The following NALF1 variants were observed in gnomAD, a reference collection of about 807,000 sequenced individuals.
The protein encoded by NALF1 is family with sequence similarity 155 member A.
NALF1 carries 3 observed loss-of-function variants against 48.4 expected under a neutral mutation model. That is an observed-to-expected ratio of 0.06 (90% CI 0.03 to 0.16). The LOEUF is 0.16. Ranked by LOEUF, NALF1 falls within the 10% of genes least tolerant of loss-of-function variation. The pLI is 1.00. For synonymous variants in NALF1, 262 were observed against 245.7 expected, an observed-to-expected ratio of 1.07 and a Z score of -0.62; for missense variants, 526 against 571.5, an observed-to-expected ratio of 0.92 and a Z score of 0.81.
chr13:107,725,702 A>G (rs1876129600), intron 1 of NALF1, among the ~76,000 whole-genome samples: 1 of 152,096 alleles, frequency 6.6e-6, no homozygotes, highest in Non-Finnish European at 1.5e-5. Context: ...AAAAAAAAAA[A>G]AGTGAACTGA....
rs959901783 is a variant in NALF1, at chr13:107,419,518, G to T, written c.916-208763C>A. On this transcript the variant is annotated intron_variant, in intron 1 of 2. Transcript: ENST00000375915. ...AGGCGGTAGATTTCATATCACTGAA[G>T]AGGTGAAAGTCTAGATCAGAAAGCC... 2.1e-4 allele frequency among the ~76,000 whole-genome samples: 32 copies of T among 152,176 alleles called. 1 individual carries two copies. The highest frequency in any genetic ancestry group is 4.4e-5 in the Non-Finnish European group (3 of 68,032).
rs957458151 is a variant in NALF1, at chr13:107,166,753, T to C, written c.*3744A>G. 1.1e-4 allele frequency: 17 copies of C among 152,042 alleles called. No homozygotes were observed. Among genetic ancestry groups the C allele is most frequent in the Admixed American group, 6.6e-4 (10 of 15,248 alleles). 9.4% of individuals were successfully genotyped at this position (152,042 alleles called of 1,614,324 possible). On this transcript the variant is annotated 3_prime_UTR_variant, in exon 3 of 3. Coordinates refer to ENST00000375915, the MANE Select transcript of NALF1 (RefSeq NM_001080396.3). ...CCTCCTTTCCCCCTCATTCCCCGACTCTATCCCTCCCTTCTTCCCTCCCTC... is the reference window on the plus strand; with the variant it reads ...CCTCCTTTCCCCCTCATTCCCCGACCCTATCCCTCCCTTCTTCCCTCCCTC...
At position 107,347,535 on chromosome 13, in the gene NALF1, T is replaced by A. The variant is rs77226300; in HGVS notation, c.916-136780A>T. Among the ~76,000 whole-genome samples, 1,426 of 152,302 alleles carry A rather than the reference T, an allele frequency of 9.4e-3. 13 individuals are homozygous for A. Among genetic ancestry groups the A allele is most frequent in the South Asian group, 0.033 (158 of 4,824 alleles). Reference sequence around the variant, plus strand: ...CTCTCTTTATTCAACTACAGTACAGTCTATTTTAAAATTCCATCATCTTCT... The same window carrying A: ...CTCTCTTTATTCAACTACAGTACAGACTATTTTAAAATTCCATCATCTTCT... On this transcript the variant is annotated intron_variant, in intron 1 of 2. Transcript: ENST00000375915.
chr13:107,847,977 C>A (rs959440489), intron 1 of NALF1, among the ~76,000 whole-genome samples: 4 of 152,148 alleles, frequency 2.6e-5, no homozygotes, highest in Admixed American at 2.6e-4. Flanking sequence ...AAGAAGAAAT[C>A]AGATATAATA....
At chr13:107,527,340 T>G (rs1876480337) in intron 1 of NALF1, among the ~76,000 whole-genome samples, 1 of 152,090 alleles carries the variant, frequency 6.6e-6, no homozygotes, top group South Asian at 2.1e-4. Flanking sequence ...AACAGAGAAA[T>G]TCTGACAGGC....
At chr13:107,793,385 C>T (rs899737893) in intron 1 of NALF1, among the ~76,000 whole-genome samples, 3 of 152,220 alleles carry the variant, frequency 2.0e-5, no homozygotes, top group Non-Finnish European at 2.9e-5. Flanking sequence ...ATTGTCCTAA[C>T]ATATAGCTAG....
chr13:107,271,574 G>GGCTGTGCTCAA (rs796304447), intron 1 of NALF1, among the ~76,000 whole-genome samples: 2,917 of 151,934 alleles, frequency 0.019, 94 homozygotes, highest in African/African-American at 0.066. Flanking sequence ...AACTCAGCCA[G>GGCTGTGCTCAA]GCTGTGCTCA....
chr13:107,689,355 T>C (rs1484977841), intron 1 of NALF1, among the ~76,000 whole-genome samples: 1 of 152,216 alleles, frequency 6.6e-6, no homozygotes, highest in Non-Finnish European at 1.5e-5. Context: ...AAATAATTGA[T>C]ATGATATAAT....
chr13:107,262,946 C>G (rs768010076), intron 1 of NALF1, among the ~76,000 whole-genome samples: 36 of 152,264 alleles, frequency 2.4e-4, no homozygotes, highest in African/African-American at 5.8e-4. Flanking sequence ...AAGAGAATCA[C>G]AGACTCGTTG....
intron 1 of NALF1, among the ~76,000 whole-genome samples, chr13:107,442,310 G>A (rs1488819097): frequency 6.6e-6 from 1 of 152,140 alleles, no homozygotes; most frequent in East Asian, 1.9e-4. Flanking sequence ...TTTGTTCACT[G>A]CTATATACAA....
intron 1 of NALF1, among the ~76,000 whole-genome samples, chr13:107,532,701 T>C (rs1053348259): frequency 1.3e-5 from 2 of 152,106 alleles, no homozygotes; most frequent in African/African-American, 4.8e-5. Context: ...TTAATTTTTC[T>C]GTCTCATGTG....
intron 1 of NALF1, among the ~76,000 whole-genome samples, chr13:107,250,091 GT>G (rs36112310): frequency 4.2e-4 from 61 of 145,980 alleles, no homozygotes; most frequent in Middle Eastern, 3.5e-3. Context: ...AGCCACTGGT[GT>G]TTTTTTTTTT....
At chr13:107,233,367 T>A (rs1467787845) in intron 1 of NALF1, among the ~76,000 whole-genome samples, 1 of 152,184 alleles carries the variant, frequency 6.6e-6, no homozygotes, top group Non-Finnish European at 1.5e-5. Flanking sequence ...ATCATCTTTT[T>A]TCAGTGAGAA....
chr13:107,332,557 C>G (rs978599057), intron 1 of NALF1, among the ~76,000 whole-genome samples: 11 of 152,180 alleles, frequency 7.2e-5, no homozygotes, highest in African/African-American at 2.4e-4. Flanking sequence ...CAACATATTT[C>G]TATAGAAACA....
intron 1 of NALF1, among the ~76,000 whole-genome samples, chr13:107,358,050 G>A (rs1008908653): frequency 6.6e-6 from 1 of 152,028 alleles, no homozygotes; most frequent in African/African-American, 2.4e-5. Context: ...GCACACGTGT[G>A]CATATGCATA....
intron 1 of NALF1, among the ~76,000 whole-genome samples, chr13:107,421,189 T>C (rs1473417447): frequency 6.6e-6 from 1 of 152,158 alleles, no homozygotes; most frequent in Non-Finnish European, 1.5e-5. Flanking sequence ...ACCATCAGCA[T>C]TGAGACCTTA....
chr13:107,191,833 ATTTTTT>A (rs66566638), intron 2 of NALF1, among the ~76,000 whole-genome samples: 1 of 112,224 alleles, frequency 8.9e-6, no homozygotes, highest in Non-Finnish European at 1.7e-5. Context: ...CACTATGCCT[ATTTTTT>A]TTTTTTTTTT....
chr13:107,717,059 T>C (rs1217550118), intron 1 of NALF1, among the ~76,000 whole-genome samples: 1 of 152,172 alleles, frequency 6.6e-6, no homozygotes, highest in Admixed American at 6.5e-5. Context: ...ATATTTCAAC[T>C]GTCCTCAAAG....
chr13:107,473,896 G>T (rs890207886), intron 1 of NALF1, among the ~76,000 whole-genome samples: 2 of 152,174 alleles, frequency 1.3e-5, no homozygotes, highest in African/African-American at 4.8e-5. Context: ...GCCCTACACT[G>T]TCCCTGCACC....
Sources: allele counts gnomAD v4.1 joint callset (sites outside exome capture counted in the v4.1 genomes callset), GRCh38; gene constraint gnomAD v4.1.1; transcripts MANE v1.5; gene names NCBI Gene and HGNC (gene_info 2026-07-23, HGNC 2026-07-21).